The following MYO9B variants were observed in gnomAD, a reference collection of about 807,000 sequenced individuals.
MYO9B encodes unconventional myosin-IXb.
In MYO9B, 71 loss-of-function variants were observed where a neutral mutation model predicts 229.5. That is an observed-to-expected ratio of 0.31 (90% confidence interval 0.26 to 0.38). The LOEUF (loss-of-function observed/expected upper bound fraction) is 0.38, where lower values mean the gene tolerates loss of function less well. Among genes scored for constraint, MYO9B ranks in the 10% least tolerant of loss-of-function variants. The pLI, the probability that MYO9B is intolerant of heterozygous loss-of-function variation, is 1.00. For synonymous variants in MYO9B, 1,185 were observed against 1,235.8 expected, an observed-to-expected ratio of 0.96 and a Z score of 0.86; for missense variants, 2,255 against 2,920.5, an observed-to-expected ratio of 0.77 and a Z score of 5.25.
rs925063691 is a variant in MYO9B, at chr19:17,195,756, C to T, written c.4046+283C>T. 5.9e-5 allele frequency among the ~76,000 whole-genome samples: 9 copies of T among 152,140 alleles called. No individual in the cohort carries two copies. Among genetic ancestry groups the T allele is most frequent in the African/African-American group, 1.4e-4 (6 of 41,436 alleles). On this transcript the variant is annotated intron_variant, in intron 22 of 39. Coordinates refer to ENST00000682292, the MANE Select transcript of MYO9B (RefSeq NM_004145.4). The surrounding 1 kb of genome is among the most constrained non-coding windows in gnomAD (Gnocchi z 4.5). ...GAGAGGTGGCTCCTCAGGTCAAGGTCCCTGCTGCCCAGAAATCTTGGGCCT... is the reference window on the plus strand; with the variant it reads ...GAGAGGTGGCTCCTCAGGTCAAGGTTCCTGCTGCCCAGAAATCTTGGGCCT...
At position 17,183,455 on chromosome 19, in the gene MYO9B, G is replaced by A. The variant is rs557008251; in HGVS notation, c.2334-374G>A. Among the ~76,000 whole-genome samples, 3 of 152,306 alleles carry A rather than the reference G, an allele frequency of 2.0e-5. No individual in the cohort carries two copies. The East Asian group carries it at 5.8e-4, about 29-fold the overall frequency. Reference sequence around the variant, plus strand: ...CACTCGGCATCCTGCTGTGATCTGGGGGATATGTCAGTTCCTCCATAGCAA... The same window carrying A: ...CACTCGGCATCCTGCTGTGATCTGGAGGATATGTCAGTTCCTCCATAGCAA... On this transcript the variant is annotated intron_variant, in intron 15 of 39. Transcript: ENST00000682292.
Position 17,180,949 on chromosome 19 carries a change from A to G in MYO9B, c.2242A>G (p.Lys748Glu), listed in dbSNP as rs1237070323. ...CAGCGATTTGCATAACCAAATGATC[A>G]AGAGCATCAAAGGATTGCCCTGGCA... The part of the protein sequence containing the change: ...LYRDLHNQMI[K>E]SIKGLPWQGE... The change falls in exon 15 of 40, where the codon AAG becomes GAG. Residue 748 changes from lysine to glutamate, a missense_variant. Transcript: ENST00000682292. 2 of 1,609,796 alleles carry G rather than the reference A, an allele frequency of 1.2e-6. No homozygotes were observed. Among genetic ancestry groups the G allele is most frequent in the Non-Finnish European group, 1.7e-6 (2 of 1,178,276 alleles).
intron 2 of MYO9B, among the ~76,000 whole-genome samples, chr19:17,126,257 C>T (rs1017717245): frequency 2.6e-5 from 4 of 152,210 alleles, no homozygotes; most frequent in Non-Finnish European, 4.4e-5. Context: ...TCCTTGGGCA[C>T]GTGACCCTGT....
intron 2 of MYO9B, among the ~76,000 whole-genome samples, chr19:17,128,148 A>G (rs2072148128): frequency 6.6e-6 from 1 of 152,038 alleles, no homozygotes; most frequent in Admixed American, 6.6e-5. Flanking sequence ...AGGCCGAGGC[A>G]GGAGAATCAC....
chr19:17,101,654 T>C lies in MYO9B; in HGVS notation c.-58-6T>C. ...TGACCATGCCTGGCTCTGACCTCCC[T>C]TCTAGCTCCAGGACACGCGCGCCCC... On this transcript the variant is annotated splice_polypyrimidine_tract_variant and splice_region_variant and intron_variant, in intron 1 of 39. Coordinates refer to ENST00000682292, the MANE Select transcript of MYO9B (RefSeq NM_004145.4). The surrounding 1 kb of genome is among the most constrained non-coding windows in gnomAD (Gnocchi z 4.7). 1.4e-6 allele frequency: 2 copies of C among 1,477,190 alleles called. No homozygotes were observed. The highest frequency in any genetic ancestry group is 1.3e-5 in the South Asian group (1 of 75,198). The allele number at this position is 1,477,190 out of a possible 1,614,324, so 91.5% of individuals were successfully genotyped here. A position where few individuals can be genotyped will look rare whatever the true frequency, so the allele number is the denominator to read the frequency against.
intron 1 of MYO9B, among the ~76,000 whole-genome samples, chr19:17,098,634 T>C (rs75986962): frequency 0.018 from 2,744 of 152,252 alleles, 37 homozygotes; most frequent in South Asian, 0.044. Flanking sequence ...ATGCACTTTT[T>C]AGGAATAAAC....
intron 19 of MYO9B, among the ~76,000 whole-genome samples, chr19:17,190,248 C>G (rs1354242999): frequency 6.6e-6 from 1 of 151,538 alleles, no homozygotes; most frequent in Non-Finnish European, 1.5e-5. Context: ...GGCTGGAGTA[C>G]AGTGGTGTGA....
chr19:17,186,071 A>T, intron 18 of MYO9B, 70 bp downstream of exon 18: 3 of 1,388,488 alleles, frequency 2.2e-6, no homozygotes, highest in East Asian at 2.3e-5. Context: ...GTGTCCCTGC[A>T]TCCAGCCCCA....
chr19:17,186,680 AC>A (rs1478099682), intron 18 of MYO9B, among the ~76,000 whole-genome samples: 3 of 151,446 alleles, frequency 2.0e-5, no homozygotes, highest in African/African-American at 7.3e-5. Flanking sequence ...CTCCACATCC[AC>A]CCCCAGTCAT....
chr19:17,137,245 C>G lies in MYO9B; in HGVS notation c.841-8152C>G, dbSNP rs1304638033. ...TGTCTCAAAAAAAAAAAAAAAAAAG[C>G]CAGGTGCGGTGATACATACCTGTGG... is the stretch of plus-strand genomic sequence containing the variant. On this transcript the variant is annotated intron_variant, in intron 2 of 39. Transcript: ENST00000682292. 8.3e-5 allele frequency among the ~76,000 whole-genome samples: 12 copies of G among 145,292 alleles called. No homozygotes were observed. The Admixed American group carries it at 8.3e-4, about 10-fold the overall frequency.
intron 11 of MYO9B, among the ~76,000 whole-genome samples, chr19:17,168,697 TG>T (rs1217485162): frequency 1.3e-5 from 2 of 152,194 alleles, no homozygotes; most frequent in African/African-American, 2.4e-5. Context: ...CTCAGGAGGC[TG>T]AGACAGGAGG....
chr19:17,185,761 C>T (rs1419064596), intron 17 of MYO9B, among the ~76,000 whole-genome samples, 160 bp from the exon 18 acceptor site: 2 of 152,140 alleles, frequency 1.3e-5, no homozygotes, highest in African/African-American at 2.4e-5. Flanking sequence ...TGGGTCAGAA[C>T]GTCCAGCTGG....
At chr19:17,160,150 T>C (rs933129922) in intron 8 of MYO9B, among the ~76,000 whole-genome samples, 12 of 152,214 alleles carry the variant, frequency 7.9e-5, no homozygotes, top group African/African-American at 2.7e-4. Flanking sequence ...GGAAAGTACC[T>C]AATCACGGCA....
At chr19:17,087,903 G>T (rs59243439) in intron 1 of MYO9B, among the ~76,000 whole-genome samples, 1 of 146,606 alleles carries the variant, frequency 6.8e-6, no homozygotes, top group Admixed American at 6.8e-5. Context: ...GCACTCCACC[G>T]TGGGCAACAA....
chr19:17,185,861 C>T lies in MYO9B; in HGVS notation c.2497-60C>T. ...CTAGAGTGTCCCAGGTCTGCTCCCACAGAACAGCGGCTGTCAGGGTCCCTG... is the reference window on the plus strand; with the variant it reads ...CTAGAGTGTCCCAGGTCTGCTCCCATAGAACAGCGGCTGTCAGGGTCCCTG... On this transcript the variant is annotated intron_variant, in intron 17 of 39. Transcript: ENST00000682292. 6 of 1,406,970 alleles carry T rather than the reference C, an allele frequency of 4.3e-6. No individual in the cohort carries two copies. In the South Asian group the frequency reaches 6.9e-5, roughly 16 times the overall value. 87.2% of individuals were successfully genotyped at this position (1,406,970 alleles called of 1,614,324 possible).
At chr19:17,175,052 C>T (rs1172259812) in intron 13 of MYO9B, among the ~76,000 whole-genome samples, 1 of 151,634 alleles carries the variant, frequency 6.6e-6, no homozygotes, top group African/African-American at 2.4e-5. Context: ...CAAGACAGCT[C>T]TCTTGAGGCC....
chr19:17,162,428 G>T lies in MYO9B; in HGVS notation c.1498G>T (p.Ala500Ser), dbSNP rs1468243331. 2 of 1,583,648 alleles carry T rather than the reference G, an allele frequency of 1.3e-6. No individual in the cohort carries two copies. Among genetic ancestry groups the T allele is most frequent in the Non-Finnish European group, 8.6e-7 (1 of 1,166,054 alleles). The change falls in exon 9 of 40, where the codon GCA becomes TCA. Residue 500 changes from alanine to serine, a missense_variant. Physicochemically the swap from Ala to Ser is moderately conservative, Grantham distance 99. Transcript: ENST00000682292. Reference sequence around the variant, plus strand: ...CTGGATTGTGCTGCGGATCAACCACGCACTCCTCAACAAGAAGGACGTGGA... The same window carrying T: ...CTGGATTGTGCTGCGGATCAACCACTCACTCCTCAACAAGAAGGACGTGGA... The part of the protein sequence containing the change: ...FDWIVLRINH[A>S]LLNKKDVEEA...
rs779046419 is a variant in MYO9B, at chr19:17,192,839, A to T, written c.2905A>T (p.Met969Leu). ...KILLLQSWFRMVLERRHFLQM... is the reference protein window; with the variant it reads ...KILLLQSWFRLVLERRHFLQM... ...CCTGCTGCTGCAGAGCTGGTTCCGG[A>T]TGGTGCTGGAGCGTCGGCACTTCCT... The change falls in exon 21 of 40, where the codon ATG becomes TTG. Residue 969 changes from methionine to leucine, a missense_variant. Met to Leu is a conservative substitution (Grantham distance 15, BLOSUM62 2). Transcript: ENST00000682292. The T allele has an allele frequency of 1.3e-6, 2 of 1,553,232 alleles. No individual in the cohort carries two copies. Among genetic ancestry groups the T allele is most frequent in the South Asian group, 2.4e-5 (2 of 84,156 alleles).
In MYO9B at chr19:17,200,351, G is replaced by A. The variant is rs1487263313; in HGVS notation, c.4297G>A (p.Gly1433Ser). ...CAAGGATAAAAAATACAGCCTGGAG[G>A]GCGCAGAGGAGCTGGAGAATGCAGT... is the stretch of plus-strand genomic sequence containing the variant. ...KTKDKKYSLE[G>S]AEELENAVSG... The change falls in exon 25 of 40, where the codon GGC (glycine) becomes AGC (serine). Residue 1433 changes from glycine to serine, a missense_variant. This residue lies in a region of MYO9B where 679 missense variants were observed against 770.2 expected (regional missense o/e 0.88). Transcript: ENST00000682292. 1.2e-6 allele frequency: 2 copies of A among 1,611,928 alleles called. No homozygotes were observed. Among genetic ancestry groups the A allele is most frequent in the Non-Finnish European group, 1.7e-6 (2 of 1,178,886 alleles).
Sources: allele counts gnomAD v4.1 joint callset (sites outside exome capture counted in the v4.1 genomes callset), GRCh38; gene constraint gnomAD v4.1.1; regional missense constraint gnomAD v4.1.1; non-coding constraint Gnocchi (gnomAD v3.1); transcripts MANE v1.5; gene names NCBI Gene and HGNC (gene_info 2026-07-23, HGNC 2026-07-21).